Variants in FAM228A observed in about 807,000 individuals in gnomAD.
FAM228A encodes family with sequence similarity 228 member A.
FAM228A carries 13 observed loss-of-function variants against 18.6 expected under a neutral mutation model. The observed-to-expected ratio is 0.70, with a 90% CI of 0.45 to 1.11. The LOEUF is 1.11. Ranked by LOEUF, FAM228A falls within the 50% of genes least tolerant of loss-of-function variation. FAM228A has a pLI of 0.00. For missense variants in FAM228A, 240 were observed against 242.2 expected, an observed-to-expected ratio of 0.99 and a Z score of 0.06; for synonymous variants, 77 against 86.6, an observed-to-expected ratio of 0.89 and a Z score of 0.61.
chr2:24,187,069 T>C (rs1019633453), intron 5 of FAM228A, among the ~76,000 whole-genome samples: 1 of 151,716 alleles, frequency 6.6e-6, no homozygotes, highest in Non-Finnish European at 1.5e-5. Flanking sequence ...CATTTTGCCT[T>C]TCTCTCTCTC....
chr2:24,177,325 A>T (rs1231824903), intron 2 of FAM228A, among the ~76,000 whole-genome samples: 1 of 152,172 alleles, frequency 6.6e-6, no homozygotes, highest in Admixed American at 6.5e-5. Context: ...CTGTAATCCC[A>T]GCTACTTGGG....
chr2:24,186,383 T>C (rs1157590482), intron 5 of FAM228A, among the ~76,000 whole-genome samples: 1 of 152,214 alleles, frequency 6.6e-6, no homozygotes, highest in Non-Finnish European at 1.5e-5. Context: ...TACCTTACAG[T>C]ACCAGTTAAG....
At chr2:24,187,818 C>G (rs1667985386) in intron 5 of FAM228A, among the ~76,000 whole-genome samples, 1 of 152,190 alleles carries the variant, frequency 6.6e-6, no homozygotes, top group Non-Finnish European at 1.5e-5. Context: ...ACTTGCTAGT[C>G]TTACTGTTGT....
rs148838893 is a variant in FAM228A at position 24,175,979 on chromosome 2, C to T, written c.93+406C>T. On this transcript the variant is annotated intron_variant, in intron 2 of 5. Coordinates refer to ENST00000295150, the MANE Select transcript of FAM228A (RefSeq NM_001040710.3). ...TTTCCTTTCTTTTTCCCCTTTTGCC[C>T]TAGTGGCGGTCGGAGCAGTGAGATG... 1.6e-3 allele frequency: 1,581 copies of T among 1,017,886 alleles called. 26 individuals carry two copies. The African/African-American group carries it at 0.026, about 16-fold the overall frequency. 63.1% of individuals were successfully genotyped at this position (1,017,886 alleles called of 1,614,324 possible).
chr2:24,191,160 C>A lies in FAM228A; in HGVS notation c.*529C>A. On this transcript the variant is annotated 3_prime_UTR_variant, in exon 6 of 6. Coordinates refer to ENST00000295150, the MANE Select transcript of FAM228A (RefSeq NM_001040710.3). ...GGTTCATTTGACACAGTTTTCAGCT[C>A]CTGGTCTATTTCCCCTTCCATTCTC... The A allele has an allele frequency of 1.0e-6, 1 of 985,590 alleles. No individual in the cohort carries two copies. The highest frequency in any genetic ancestry group is 1.2e-6 in the Non-Finnish European group (1 of 830,086). The allele number at this position is 985,590 out of a possible 1,614,324, so 61.1% of individuals were successfully genotyped here.
rs1041559679 is a variant in FAM228A, at chr2:24,177,872, T to G, written c.162+2T>G. 1 of 1,598,096 alleles carries G rather than the reference T, an allele frequency of 6.3e-7. No homozygotes were observed. Among genetic ancestry groups the G allele is most frequent in the Admixed American group, 1.7e-5 (1 of 59,444 alleles). On this transcript the variant is annotated splice_donor_variant, in intron 3 of 5. Transcript: ENST00000295150. LOFTEE classifies it high-confidence loss of function. The stretch of plus-strand genomic sequence containing the variant: ...TTTAAAGAAAATTCCATTGTGAAGG[T>G]AAGAGTTGGCTCCACGCTGCATTCT...
intron 5 of FAM228A, among the ~76,000 whole-genome samples, 181 bp downstream of exon 5, chr2:24,183,826 G>A (rs949099427): frequency 2.0e-5 from 3 of 151,942 alleles, no homozygotes; most frequent in East Asian, 1.9e-4. Flanking sequence ...ACAGCTTACC[G>A]AGTCCCTGAG....
chr2:24,183,800 A>G (rs1055393516), intron 5 of FAM228A, among the ~76,000 whole-genome samples, 155 bp downstream of exon 5: 3 of 151,956 alleles, frequency 2.0e-5, no homozygotes, highest in Admixed American at 2.0e-4. Context: ...TATGTAGAGG[A>G]CAGAATAAAA....
rs1428196618 is a variant in FAM228A at position 24,183,633 on chromosome 2, C to G, written c.389C>G (p.Thr130Ser). The change falls in exon 5 of 6, where the codon ACT becomes AGT. Residue 130 changes from threonine to serine, a missense_variant. Thr to Ser is a moderately conservative substitution (Grantham distance 58). Coordinates refer to ENST00000295150, the MANE Select transcript of FAM228A (RefSeq NM_001040710.3). ...GCCTCTGCAAGAGCCAGGAGTAAAA[C>G]TTACAAATACAGGTACAGATGAGCA... The part of the protein sequence containing the change: ...HKASARARSK[T>S]YKYSPEKLIY... 6 of 1,601,184 alleles carry G rather than the reference C, an allele frequency of 3.7e-6. No homozygotes were observed. The Admixed American group carries it at 8.8e-5, about 23-fold the overall frequency.
chr2:24,191,409 CA>C lies in FAM228A; in HGVS notation c.*779del, dbSNP rs1260305966. 3.0e-6 allele frequency: 3 copies of C among 985,372 alleles called. No homozygotes were observed. The highest frequency in any genetic ancestry group is 3.6e-6 in the Non-Finnish European group (3 of 829,958). 61.0% of individuals were successfully genotyped at this position (985,372 alleles called of 1,614,324 possible). A position where few individuals can be genotyped will look rare whatever the true frequency, so the allele number is the denominator to read the frequency against. On this transcript the variant is annotated 3_prime_UTR_variant, in exon 6 of 6. Transcript: ENST00000295150. ...GTCCCATCGCTGTCCCCGGTCTCTC[CA>C]GGGAGTAAGGGATTCTCCGTCTGTG...
chr2:24,185,042 T>A (rs1400079689), intron 5 of FAM228A, among the ~76,000 whole-genome samples: 3 of 152,074 alleles, frequency 2.0e-5, no homozygotes, highest in Admixed American at 6.6e-5. Context: ...AGGATGGTCT[T>A]GATCTCTTGA....
At chr2:24,182,843 G>C (rs566356253) in intron 3 of FAM228A, among the ~76,000 whole-genome samples, 1 of 152,122 alleles carries the variant, frequency 6.6e-6, no homozygotes, top group Non-Finnish European at 1.5e-5. Context: ...ACAGAAGTGC[G>C]TCTCTTCTAT....
intron 5 of FAM228A, among the ~76,000 whole-genome samples, chr2:24,190,095 C>T (rs1668044442): frequency 6.6e-6 from 1 of 152,174 alleles, no homozygotes. Context: ...GCCGTTCTGC[C>T]TGACTTTCTG....
chr2:24,178,291 C>T (rs1667737684), intron 3 of FAM228A, among the ~76,000 whole-genome samples: 1 of 152,148 alleles, frequency 6.6e-6, no homozygotes, highest in Admixed American at 6.5e-5. Context: ...CATTTAATTT[C>T]AATGAGAGAG....
At position 24,190,868 on chromosome 2, in the gene FAM228A, A is replaced by G. The variant is rs911960406; in HGVS notation, c.*237A>G. On this transcript the variant is annotated 3_prime_UTR_variant, in exon 6 of 6. Transcript: ENST00000295150. ...TCCTGTCCTTCCGAGGTGAGGGCCA[A>G]CCTGGCCACAGGGGCTTTTCCCCCT... 24 of 1,217,240 alleles carry G rather than the reference A, an allele frequency of 2.0e-5. 1 individual carries two copies. The African/African-American group carries it at 3.3e-4, about 17-fold the overall frequency. The allele number at this position is 1,217,240 out of a possible 1,614,324, so 75.4% of individuals were successfully genotyped here.
intron 3 of FAM228A, among the ~76,000 whole-genome samples, chr2:24,181,571 A>G (rs545438171): frequency 6.6e-6 from 1 of 152,228 alleles, no homozygotes; most frequent in African/African-American, 2.4e-5. Context: ...TTTTTAGTAG[A>G]GATGGGGTTT....
intron 5 of FAM228A, among the ~76,000 whole-genome samples, chr2:24,184,259 A>G (rs10445893): frequency 0.6 from 90,568 of 151,688 alleles, 27,961 homozygotes; most frequent in East Asian, 0.74. Flanking sequence ...AGATGCCTAT[A>G]ATCCCAGCTA....
chr2:24,182,960 G>T (rs573907866), intron 3 of FAM228A, among the ~76,000 whole-genome samples: 60 of 152,134 alleles, frequency 3.9e-4, no homozygotes, highest in African/African-American at 1.1e-3. Flanking sequence ...AGCTGCTTTG[G>T]TATACAGTAA....
chr2:24,176,118 A>G (rs1351484549), intron 2 of FAM228A: 1 of 985,232 alleles, frequency 1.0e-6, no homozygotes, highest in African/African-American at 1.7e-5. Context: ...GCCATCAAAG[A>G]CAAAAACTGT....
Sources: allele counts gnomAD v4.1 joint callset (sites outside exome capture counted in the v4.1 genomes callset), GRCh38; gene constraint gnomAD v4.1.1; transcripts MANE v1.5; gene names NCBI Gene and HGNC (gene_info 2026-07-23, HGNC 2026-07-21).